The following NDRG1 variants were observed in gnomAD, a reference collection of about 807,000 sequenced individuals.
NDRG1 encodes N-myc downstream regulated 1.
Under a neutral mutation model 56.9 loss-of-function variants are expected in NDRG1, and 32 were observed. The ratio of observed to expected loss-of-function variants is 0.56; its 90% CI spans 0.42 to 0.76. The LOEUF is 0.76. Among genes scored for constraint, NDRG1 ranks in the 30% least tolerant of loss-of-function variants. NDRG1 has a pLI of 0.00. For missense variants in NDRG1, 507 were observed against 545.7 expected (o/e 0.93, Z 0.71); for synonymous variants, 211 against 204.1 (o/e 1.03, Z -0.29).
At chr8:133,257,721 G>T (rs1856456148) in intron 7 of NDRG1, among the ~76,000 whole-genome samples, 1 of 152,172 alleles carries the variant, frequency 6.6e-6, no homozygotes, top group South Asian at 2.1e-4. Flanking sequence ...GTACAGTTGA[G>T]ACCATTTTTA....
At chr8:133,258,544 C>T (rs990261114) in intron 6 of NDRG1, 118 bp from the exon 7 acceptor site, 41 of 951,224 alleles carry the variant, frequency 4.3e-5, no homozygotes, top group African/African-American at 8.2e-5. Context: ...AGCATGCTGC[C>T]GTAACTGCCT....
In NDRG1 at chr8:133,258,387, G is replaced by C; in HGVS notation, c.429C>G (p.Ala143=). The C allele has an allele frequency of 6.2e-7, 1 of 1,612,292 alleles. No homozygotes were observed. The highest frequency in any genetic ancestry group is 8.5e-7 in the Non-Finnish European group (1 of 1,179,270). ...TCACAGCAAATCGAGTTAGGATGTA[G>C]GCGCCTGCTCCTGTTCCCATGCCAA... ...SIIGMGTGAG[A]YILTRFALNN... Residue 143 remains alanine, a synonymous_variant, in exon 7 of 16, where the codon GCC becomes GCG. Coordinates refer to ENST00000323851, the MANE Select transcript of NDRG1 (RefSeq NM_006096.4).
rs1803462 is a variant in NDRG1, at chr8:133,237,367, G to A, written c.*1511C>T. 3 of 231,736 alleles carry A rather than the reference G, an allele frequency of 1.3e-5. No homozygotes were observed. Among genetic ancestry groups the A allele is most frequent in the Non-Finnish European group, 2.6e-5 (3 of 117,174 alleles). The allele number at this position is 231,736 out of a possible 1,614,324, so 14.4% of individuals were successfully genotyped here. ...CAGGTAACGAGTCATTGCCTCTCAC[G>A]CCACCTGGAAGGCTGGACTACTTCC... On this transcript the variant is annotated 3_prime_UTR_variant, in exon 16 of 16. Transcript: ENST00000323851.
intron 10 of NDRG1, 21 bp from the exon 11 acceptor site, chr8:133,248,792 A>G: frequency 6.2e-7 from 1 of 1,613,994 alleles, no homozygotes; most frequent in Non-Finnish European, 8.5e-7. Flanking sequence ...CAAATGCATC[A>G]TTAGCATGAG....
chr8:133,280,086 T>A, intron 3 of NDRG1, 146 bp downstream of exon 3: 1 of 899,622 alleles, frequency 1.1e-6, no homozygotes, highest in Middle Eastern at 2.2e-4. Flanking sequence ...GAGCAGCAGC[T>A]GAGGGTGAGG....
intron 1 of NDRG1, chr8:133,296,464 A>T (rs1297575494): frequency 1.1e-5 from 5 of 455,438 alleles, no homozygotes; most frequent in African/African-American, 2.0e-5. Flanking sequence ...GCACTGTGAC[A>T]CACCCTGGAC....
At position 133,250,351 on chromosome 8, in the gene NDRG1, T is replaced by C. The variant is rs541723660; in HGVS notation, c.698+89A>G. On this transcript the variant is annotated intron_variant, in intron 10 of 15. Coordinates refer to ENST00000323851, the MANE Select transcript of NDRG1 (RefSeq NM_006096.4). The stretch of plus-strand genomic sequence containing the variant: ...CAGAGCCTGCCTCTTCCGCTCATTT[T>C]ATACTCTCCCTCTCATCTGTCCCAC... 23 of 1,204,854 alleles carry C rather than the reference T, an allele frequency of 1.9e-5. No homozygotes were observed. The African/African-American group carries it at 2.4e-4, about 13-fold the overall frequency. The allele number at this position is 1,204,854 out of a possible 1,614,324, so 74.6% of individuals were successfully genotyped here. A position where few individuals can be genotyped will look rare whatever the true frequency, so the allele number is the denominator to read the frequency against.
At chr8:133,296,688 G>GACACACAC in intron 1 of NDRG1, 1 of 312,328 alleles carries the variant, frequency 3.2e-6, no homozygotes, top group Non-Finnish European at 6.2e-6. Context: ...TCCGTTCCCA[G>GACACACAC]ACACAGACAC....
intron 13 of NDRG1, 66 bp downstream of exon 13, chr8:133,246,550 G>T: frequency 6.6e-7 from 1 of 1,523,458 alleles, no homozygotes; most frequent in Non-Finnish European, 9.1e-7. Flanking sequence ...CTAACTCAAT[G>T]TTGCAGAAAA....
intron 1 of NDRG1, among the ~76,000 whole-genome samples, chr8:133,292,596 T>C (rs1287708563): frequency 6.6e-6 from 1 of 152,124 alleles, no homozygotes; most frequent in Non-Finnish European, 1.5e-5. Flanking sequence ...CATTCCCAGC[T>C]GAGAGAGGCC....
intron 2 of NDRG1, among the ~76,000 whole-genome samples, chr8:133,283,039 A>G (rs1193497362): frequency 6.6e-6 from 1 of 152,218 alleles, no homozygotes; most frequent in African/African-American, 2.4e-5. Context: ...ATGAACCTAA[A>G]ACAGAGCAGC....
chr8:133,267,648 G>A (rs1241183027), intron 3 of NDRG1, among the ~76,000 whole-genome samples: 1 of 152,190 alleles, frequency 6.6e-6, no homozygotes, highest in Non-Finnish European at 1.5e-5. Context: ...TTGTTTGTGG[G>A]GGCACATTCT....
chr8:133,293,554 C>T (rs1442608101), intron 1 of NDRG1, among the ~76,000 whole-genome samples: 1 of 152,180 alleles, frequency 6.6e-6, no homozygotes, highest in African/African-American at 2.4e-5. Context: ...ATGCATTGAA[C>T]CTCCAAGGCA....
chr8:133,266,888 A>T (rs892354623), intron 3 of NDRG1, among the ~76,000 whole-genome samples: 4 of 152,144 alleles, frequency 2.6e-5, no homozygotes, highest in Non-Finnish European at 4.4e-5. Context: ...TGGGAATGGG[A>T]CCAGGAAAGC....
intron 5 of NDRG1, among the ~76,000 whole-genome samples, chr8:133,260,884 T>G (rs1371900891): frequency 6.6e-6 from 1 of 152,174 alleles, no homozygotes; most frequent in Non-Finnish European, 1.5e-5. Flanking sequence ...CAAGAGGGGT[T>G]ATCTCTGAGG....
intron 10 of NDRG1, 73 bp from the exon 11 acceptor site, chr8:133,248,844 G>T: frequency 6.4e-7 from 1 of 1,565,266 alleles, no homozygotes; most frequent in Admixed American, 1.7e-5. Flanking sequence ...ATCCAGCCAA[G>T]CCCAGGAGGT....
At chr8:133,270,629 G>T (rs1437639238) in intron 3 of NDRG1, among the ~76,000 whole-genome samples, 1 of 152,182 alleles carries the variant, frequency 6.6e-6, no homozygotes, top group Non-Finnish European at 1.5e-5. Context: ...ATGCTTGGGG[G>T]TTCGGTGGCT....
intron 3 of NDRG1, among the ~76,000 whole-genome samples, chr8:133,267,488 T>C (rs898823593): frequency 5.3e-5 from 8 of 152,142 alleles, no homozygotes; most frequent in African/African-American, 1.4e-4. Flanking sequence ...CTCCCCTCTC[T>C]GCCCCTCAGG....
chr8:133,243,423 C>T (rs748743213), intron 14 of NDRG1, among the ~76,000 whole-genome samples: 17 of 152,194 alleles, frequency 1.1e-4, no homozygotes, highest in Non-Finnish European at 2.2e-4. Context: ...TCTTCTGTGA[C>T]ACTGGGATAA....
Sources: allele counts gnomAD v4.1 joint callset (sites outside exome capture counted in the v4.1 genomes callset), GRCh38; gene constraint gnomAD v4.1.1; transcripts MANE v1.5; gene names NCBI Gene and HGNC (gene_info 2026-07-23, HGNC 2026-07-21).